The following SCAP variants were observed in gnomAD, a reference collection of about 807,000 sequenced individuals.
SCAP encodes the protein sterol regulatory element-binding protein cleavage-activating protein.
In SCAP, 65 loss-of-function variants were observed where a neutral mutation model predicts 123.6. That is an observed-to-expected ratio of 0.53 (90% CI 0.43 to 0.65). The LOEUF is 0.65. Among genes scored for constraint, SCAP ranks in the 30% least tolerant of loss-of-function variants. The pLI is 0.00. For synonymous variants in SCAP, 740 were observed against 726.3 expected, an observed-to-expected ratio of 1.02 and a Z score of -0.30; for missense variants, 1,398 against 1,712.5, an observed-to-expected ratio of 0.82 and a Z score of 3.24.
intron 3 of SCAP, among the ~76,000 whole-genome samples, chr3:47,431,764 C>T (rs1401596985): frequency 6.6e-6 from 1 of 152,198 alleles, no homozygotes; most frequent in Non-Finnish European, 1.5e-5. Context: ...CAATCACTTA[C>T]TGTAGGAGGT....
At chr3:47,474,898 G>T (rs1009524885) in intron 1 of SCAP, among the ~76,000 whole-genome samples, 10 of 152,106 alleles carry the variant, frequency 6.6e-5, no homozygotes, top group Non-Finnish European at 1.3e-4. Context: ...CCTAATAAAA[G>T]CGTCAGTCTT....
intron 1 of SCAP, among the ~76,000 whole-genome samples, chr3:47,444,573 C>G (rs1457932843): frequency 1.3e-5 from 2 of 151,408 alleles, no homozygotes; most frequent in African/African-American, 4.9e-5. Flanking sequence ...CTCCCAGGTT[C>G]AAGTGATTCT....
At chr3:47,448,407 T>A (rs1707133862) in intron 1 of SCAP, among the ~76,000 whole-genome samples, 1 of 152,174 alleles carries the variant, frequency 6.6e-6, no homozygotes, top group Non-Finnish European at 1.5e-5. Flanking sequence ...CTTATCATGT[T>A]ATCTGTGAAC....
chr3:47,434,906 A>C (rs752004657), intron 3 of SCAP, 102 bp downstream of exon 3: 1 of 1,450,548 alleles, frequency 6.9e-7, no homozygotes, highest in Non-Finnish European at 9.6e-7. Flanking sequence ...ATGAATTCAC[A>C]AATCAGAAGC....
chr3:47,454,765 T>A (rs1175589456), intron 1 of SCAP, among the ~76,000 whole-genome samples: 1 of 151,474 alleles, frequency 6.6e-6, no homozygotes, highest in African/African-American at 2.4e-5. Flanking sequence ...ATAAAAAAAA[T>A]ACACATATAT....
intron 1 of SCAP, among the ~76,000 whole-genome samples, chr3:47,454,527 G>A (rs1214478562): frequency 2.0e-5 from 3 of 151,556 alleles, no homozygotes; most frequent in African/African-American, 7.3e-5. Flanking sequence ...AGGAGTTCGA[G>A]ACCAGCCTGG....
chr3:47,420,081 T>C lies in SCAP; in HGVS notation c.1564-377A>G, dbSNP rs1221576116. Among the ~76,000 whole-genome samples the C allele has an allele frequency of 6.6e-6, 1 of 152,050 alleles. No homozygotes were observed. The highest frequency in any genetic ancestry group is 1.9e-4 in the East Asian group (1 of 5,178). ...GACCTGCTCCAGAGTCCCCCAGAGGTCCTAGTCCCAGGGGGCCTCAGCCTT... is the reference window on the plus strand; with the variant it reads ...GACCTGCTCCAGAGTCCCCCAGAGGCCCTAGTCCCAGGGGGCCTCAGCCTT... On this transcript the variant is annotated intron_variant, in intron 12 of 22. Transcript: ENST00000265565. The surrounding 1 kb of genome is among the most constrained non-coding windows in gnomAD (Gnocchi z 5.0).
At chr3:47,429,953 G>A (rs919068419) in intron 3 of SCAP, among the ~76,000 whole-genome samples, 2 of 152,150 alleles carry the variant, frequency 1.3e-5, no homozygotes, top group African/African-American at 4.8e-5. Flanking sequence ...AAGATCAAAG[G>A]ACCCAATTTT....
chr3:47,447,299 G>C (rs1162143248), intron 1 of SCAP, among the ~76,000 whole-genome samples: 1 of 152,088 alleles, frequency 6.6e-6, no homozygotes, highest in Non-Finnish European at 1.5e-5. Context: ...TACTTGGTAC[G>C]CTGAGAATCA....
At chr3:47,455,220 T>C (rs1006375151) in intron 1 of SCAP, among the ~76,000 whole-genome samples, 2 of 151,370 alleles carry the variant, frequency 1.3e-5, no homozygotes, top group African/African-American at 4.8e-5. Flanking sequence ...TAATATTGAT[T>C]ATAATAATGA....
chr3:47,414,120 A>G (rs762248753), intron 22 of SCAP, 21 bp from the exon 23 acceptor site: 6 of 1,613,464 alleles, frequency 3.7e-6, no homozygotes, highest in Non-Finnish European at 5.1e-6. Context: ...GGACATGACA[A>G]GCTCAGTCCT....
In SCAP at chr3:47,419,321, A is replaced by G; in HGVS notation, c.1940+7T>C. Reference sequence around the variant, plus strand: ...AGTGAGGTGGCACCTGGCACGGCCCAGCTCACCTCTTGGCCAGTGTGATGT... The same window carrying G: ...AGTGAGGTGGCACCTGGCACGGCCCGGCTCACCTCTTGGCCAGTGTGATGT... On this transcript the variant is annotated splice_region_variant and intron_variant, in intron 13 of 22. Coordinates refer to ENST00000265565, the MANE Select transcript of SCAP (RefSeq NM_012235.4). This position sits in a 1 kb window ranked among gnomAD's most constrained non-coding sequence, Gnocchi z 5.0. 6.2e-7 allele frequency: 1 copy of G among 1,601,534 alleles called. No individual in the cohort carries two copies. The highest frequency in any genetic ancestry group is 8.5e-7 in the Non-Finnish European group (1 of 1,171,966).
chr3:47,425,670 G>T (rs1046912912), intron 7 of SCAP, 59 bp from the exon 8 acceptor site: 2 of 1,584,710 alleles, frequency 1.3e-6, no homozygotes, highest in African/African-American at 2.7e-5. Flanking sequence ...GCCCACTGGG[G>T]CTCCCGGGAG....
rs1356107455 is a variant in SCAP at position 47,471,060 on chromosome 3, C to T, written c.-99+4739G>A. 2.6e-5 allele frequency among the ~76,000 whole-genome samples: 4 copies of T among 152,228 alleles called. No homozygotes were observed. In the East Asian group the frequency reaches 7.7e-4, roughly 29 times the overall value. Reference sequence around the variant, plus strand: ...CAGACATAACTGAGTGATAGGTACACAAGGGCTTATTGCTCTCTATTTGGA... The same window carrying T: ...CAGACATAACTGAGTGATAGGTACATAAGGGCTTATTGCTCTCTATTTGGA... On this transcript the variant is annotated intron_variant, in intron 1 of 22. Coordinates refer to ENST00000265565, the MANE Select transcript of SCAP (RefSeq NM_012235.4).
At chr3:47,430,985 AG>A (rs1706333836) in intron 3 of SCAP, among the ~76,000 whole-genome samples, 1 of 152,162 alleles carries the variant, frequency 6.6e-6, no homozygotes, top group Non-Finnish European at 1.5e-5. Context: ...CTGGGCACAA[AG>A]GAACAACCAG....
chr3:47,414,513 G>C (rs1057096890), intron 21 of SCAP, 59 bp downstream of exon 21: 5 of 1,606,316 alleles, frequency 3.1e-6, no homozygotes, highest in African/African-American at 1.3e-5. Context: ...CAGCTCCCAG[G>C]AGTCAGCAAA....
intron 1 of SCAP, among the ~76,000 whole-genome samples, chr3:47,475,154 A>T (rs1708216418): frequency 1.4e-5 from 2 of 145,984 alleles, no homozygotes; most frequent in Admixed American, 1.4e-4. Context: ...CCCCACAGCG[A>T]CTCACTGCCC....
Position 47,418,538 on chromosome 3 carries a change from G to C in SCAP, c.2130-16C>G. 2 of 1,576,220 alleles carry C rather than the reference G, an allele frequency of 1.3e-6. No individual in the cohort carries two copies. The highest frequency in any genetic ancestry group is 1.7e-6 in the Non-Finnish European group (2 of 1,161,668). Reference sequence around the variant, plus strand: ...CGCCGCCACCCTGCACGGGAGGGCGGACTGCTGTGAGACACACCTCACAGC... The same window carrying C: ...CGCCGCCACCCTGCACGGGAGGGCGCACTGCTGTGAGACACACCTCACAGC... On this transcript the variant is annotated splice_polypyrimidine_tract_variant and intron_variant, in intron 14 of 22. Coordinates refer to ENST00000265565, the MANE Select transcript of SCAP (RefSeq NM_012235.4).
At chr3:47,455,573 T>C (rs1576304365) in intron 1 of SCAP, among the ~76,000 whole-genome samples, 1 of 119,948 alleles carries the variant, frequency 8.3e-6, no homozygotes, top group African/African-American at 3.3e-5. Context: ...CCAGCCTGGG[T>C]GACAGAGCAA....
Sources: gnomAD v4.1 joint callset for allele counts (sites outside exome capture counted in the v4.1 genomes callset) on GRCh38, gnomAD v4.1.1 for gene constraint, Gnocchi (gnomAD v3.1) non-coding constraint, MANE v1.5 for transcripts, NCBI Gene and HGNC (gene_info 2026-07-23, HGNC 2026-07-21) for gene names.